The following XIST variants were observed in gnomAD, a reference collection of about 807,000 sequenced individuals.
The protein encoded by XIST is X inactive specific transcript (non-protein coding).
chrX:73,849,657 G>A (rs1053631180), exon 1 of XIST: 1 of 556,289 alleles, frequency 1.8e-6, no homozygotes, highest in Non-Finnish European at 3.2e-6. Flanking sequence ...AAATGGGATT[G>A]TATGCATTAA....
chrX:73,828,471 C>T (rs1322575125), intron 5 of XIST: 1 of 116,694 alleles, frequency 8.6e-6, no homozygotes, highest in Non-Finnish European at 1.8e-5. Context: ...ATTTAAAACA[C>T]ACAATGTATG....
At chrX:73,842,168 T>A (rs1922606886) in exon 1 of XIST, 1 of 508,326 alleles carries the variant, frequency 2.0e-6, no homozygotes, top group Non-Finnish European at 3.5e-6. Flanking sequence ...ATGTCTTTCT[T>A]AAAAAAATTT....
exon 6 of XIST, chrX:73,826,236 G>A (rs1438137522): frequency 5.4e-6 from 3 of 557,501 alleles, no homozygotes; most frequent in Non-Finnish European, 9.7e-6. Context: ...TCTCTAGAGA[G>A]CCTGGCACTT....
chrX:73,846,743 G>A, exon 1 of XIST: 1 of 559,161 alleles, frequency 1.8e-6, no homozygotes, highest in South Asian at 2.2e-5. Context: ...ATATTGGGAG[G>A]CCAAGAAATG....
At chrX:73,829,855 C>T (rs1922345764) in intron 4 of XIST, among the ~76,000 whole-genome samples, 1 of 108,486 alleles carries the variant, frequency 9.2e-6, no homozygotes, top group African/African-American at 3.4e-5. Context: ...GGAAAGAGTC[C>T]CTTTAAATGA....
chrX:73,837,934 A>C (rs1367972044), intron 1 of XIST, among the ~76,000 whole-genome samples: 1 of 111,655 alleles, frequency 9.0e-6, no homozygotes, highest in Non-Finnish European at 1.9e-5. Context: ...AAAATATACA[A>C]GGCCCAAATA....
intron 5 of XIST, chrX:73,828,173 A>T: frequency 2.6e-6 from 1 of 388,254 alleles, no homozygotes; most frequent in Non-Finnish European, 4.4e-6. Context: ...CAATAATAAC[A>T]ACCACCAATA....
chrX:73,831,924 T>C (rs1398600036), intron 3 of XIST, among the ~76,000 whole-genome samples: 1 of 112,385 alleles, frequency 8.9e-6, no homozygotes, highest in African/African-American at 3.2e-5. Context: ...AAGAGAATTG[T>C]TTCCTACTCA....
chrX:73,839,568 C>T (rs947986773), intron 1 of XIST, among the ~76,000 whole-genome samples: 6 of 111,239 alleles, frequency 5.4e-5, no homozygotes, highest in Non-Finnish European at 1.1e-4. Context: ...ATAATGATTT[C>T]CTTCTGCATC....
exon 1 of XIST, chrX:73,843,236 C>A (rs370203606): frequency 7.0e-5 from 39 of 556,664 alleles, no homozygotes; most frequent in African/African-American, 4.5e-4. Context: ...TCCCACTCTA[C>A]CAGAAGGAGA....
chrX:73,851,736 G>T lies in XIST; in HGVS notation n.988C>A. ...GCAATGCACATGACTTCCTCTGCCT[G>T]ACCTGCTATCATCCATCTTGCCTCC... is the stretch of plus-strand genomic sequence containing the variant. On this transcript the variant is annotated non_coding_transcript_exon_variant, in exon 1 of 6. Transcript: ENST00000429829. 1 of 558,943 alleles carries T rather than the reference G, an allele frequency of 1.8e-6. No individual in the cohort carries two copies. The highest frequency in any genetic ancestry group is 2.2e-5 in the South Asian group (1 of 44,975). The allele number at this position is 558,943 out of a possible 1,213,427, so 46.1% of individuals were successfully genotyped here. A position where few individuals can be genotyped will look rare whatever the true frequency, so the allele number is the denominator to read the frequency against.
exon 1 of XIST, chrX:73,850,287 G>T (rs779246673): frequency 1.8e-6 from 1 of 551,539 alleles, no homozygotes; most frequent in Non-Finnish European, 3.3e-6. Context: ...CCAAAAAAAG[G>T]TTAAGGAATT....
chrX:73,844,793 T>A (rs1443592945), exon 1 of XIST: 6 of 554,648 alleles, frequency 1.1e-5, no homozygotes, highest in Non-Finnish European at 1.6e-5. Context: ...CTTATTCAGA[T>A]GAGATAGGCC....
intron 3 of XIST, among the ~76,000 whole-genome samples, chrX:73,832,578 G>C (rs1922408350): frequency 8.9e-6 from 1 of 111,786 alleles, no homozygotes; most frequent in Non-Finnish European, 1.9e-5. Context: ...AGTCTTATTT[G>C]TAAACAAATC....
chrX:73,848,641 T>G (rs367966963), exon 1 of XIST: 1 of 558,093 alleles, frequency 1.8e-6, no homozygotes, highest in Non-Finnish European at 3.2e-6. Flanking sequence ...GTTCAAGAGC[T>G]GTTATTGAAT....
rs1397744592 is a variant in XIST at position 73,827,740 on chromosome X, A to T, written n.12161T>A. 9.1e-6 allele frequency: 5 copies of T among 547,180 alleles called. No homozygotes were observed. In the Admixed American group the frequency reaches 1.1e-4, roughly 13 times the overall value. The allele number at this position is 547,180 out of a possible 1,213,427, so 45.1% of individuals were successfully genotyped here. ...AAAGCACACAGCATGTGACCCAAAA[A>T]GGAGACATGAAATAAAGCGTGAAAG... On this transcript the variant is annotated non_coding_transcript_exon_variant, in exon 6 of 6. Transcript: ENST00000429829.
At chrX:73,845,877 T>C (rs748353508) in exon 1 of XIST, 2 of 551,347 alleles carry the variant, frequency 3.6e-6, no homozygotes, top group Non-Finnish European at 6.5e-6. Context: ...ACAAATATAA[T>C]CACGCACATA....
intron 1 of XIST, among the ~76,000 whole-genome samples, chrX:73,838,680 G>C (rs762162264): frequency 9.0e-6 from 1 of 110,898 alleles, no homozygotes; most frequent in African/African-American, 3.3e-5. Context: ...TGACCAACTC[G>C]ACAGCCTAAT....
intron 5 of XIST, chrX:73,828,009 G>A (rs1569511765): frequency 2.0e-6 from 1 of 488,743 alleles, no homozygotes; most frequent in East Asian, 3.6e-5. Context: ...ATAAGCAAAG[G>A]CAGACATTCA....
Sources: allele counts gnomAD v4.1 joint callset (sites outside exome capture counted in the v4.1 genomes callset), GRCh38; gene constraint gnomAD v4.1.1; transcripts MANE v1.5; gene names NCBI Gene and HGNC (gene_info 2026-07-23, HGNC 2026-07-21).